IPPK: variants seen among roughly 807,000 people sequenced by gnomAD.
IPPK encodes the protein inositol-pentakisphosphate 2-kinase, also known as IPK1 homolog.
A neutral mutation model predicts 64.6 loss-of-function variants in IPPK; 22 were observed. That is an observed-to-expected ratio of 0.34 (90% confidence interval 0.24 to 0.49). The LOEUF is 0.49. IPPK is among the 20% of genes least tolerant of loss of function. IPPK has a pLI of 0.99. For missense variants in IPPK, 532 were observed against 630.7 expected (o/e 0.84, Z 1.68); for synonymous variants, 262 against 247.2 (o/e 1.06, Z -0.56).
At chr9:92,657,785 CCT>C (rs542142686) in intron 2 of IPPK, among the ~76,000 whole-genome samples, 66 of 152,270 alleles carry the variant, frequency 4.3e-4, no homozygotes, top group African/African-American at 1.4e-3. Context: ...GGCTCTCTCC[CCT>C]CTTTCTACTG....
At chr9:92,655,419 G>A (rs367839433) in intron 3 of IPPK, among the ~76,000 whole-genome samples, 55 of 152,262 alleles carry the variant, frequency 3.6e-4, no homozygotes, top group African/African-American at 1.1e-3. Flanking sequence ...GAGGAAATGC[G>A]CTCACAGGCG....
At chr9:92,641,251 C>T (rs1327564712) in intron 7 of IPPK, among the ~76,000 whole-genome samples, 1 of 152,180 alleles carries the variant, frequency 6.6e-6, no homozygotes, top group Non-Finnish European at 1.5e-5. Flanking sequence ...CCAGGGAGCC[C>T]TCGTCCTCCA....
intron 3 of IPPK, 32 bp downstream of exon 3, chr9:92,656,424 C>G (rs757494534): frequency 1.4e-6 from 2 of 1,435,674 alleles, no homozygotes; most frequent in Non-Finnish European, 2.0e-6. Flanking sequence ...AAAACATGCC[C>G]AAGAATTCAG....
At chr9:92,641,046 C>T (rs752949127) in intron 7 of IPPK, among the ~76,000 whole-genome samples, 1 of 152,196 alleles carries the variant, frequency 6.6e-6, no homozygotes, top group African/African-American at 2.4e-5. Flanking sequence ...CCCAGACTTT[C>T]GGGAGATGTG....
intron 3 of IPPK, among the ~76,000 whole-genome samples, chr9:92,654,939 C>A (rs1852341207): frequency 6.6e-6 from 1 of 152,266 alleles, no homozygotes; most frequent in Non-Finnish European, 1.5e-5. Context: ...TGGCCCACAG[C>A]AGCGAGGTGG....
chr9:92,657,179 G>A (rs558837115), intron 2 of IPPK, among the ~76,000 whole-genome samples: 25 of 152,064 alleles, frequency 1.6e-4, no homozygotes, highest in Non-Finnish European at 3.7e-4. Context: ...CTGAAACCCC[G>A]TTTCTAATAA....
At position 92,640,746 on chromosome 9, in the gene IPPK, C is replaced by G; in HGVS notation, c.600G>C (p.Leu200Phe). The G allele has an allele frequency of 6.2e-7, 1 of 1,613,280 alleles. No individual in the cohort carries two copies. Among genetic ancestry groups the G allele is most frequent in the Non-Finnish European group, 8.5e-7 (1 of 1,179,188 alleles). The change falls in exon 8 of 13, where the codon TTG (leucine) becomes TTC (phenylalanine). Residue 200 changes from leucine to phenylalanine, a missense_variant. By Grantham distance (22) the Leu-to-Phe change is conservative (BLOSUM62 0). Coordinates refer to ENST00000287996, the MANE Select transcript of IPPK (RefSeq NM_022755.6). ...KQRMHFALKS[L>F]LQEAQNNLKI... is the part of the protein sequence containing the mutation. The stretch of plus-strand genomic sequence containing the variant: ...TCAAGTTGTTCTGTGCCTCCTGCAG[C>G]AAACTCTTCAAGGCAAAGTGCATTC...
intron 1 of IPPK, among the ~76,000 whole-genome samples, 186 bp downstream of exon 1, chr9:92,669,722 G>A (rs953489787): frequency 6.6e-6 from 1 of 151,568 alleles, no homozygotes; most frequent in Non-Finnish European, 1.5e-5. Context: ...GGATACTGGG[G>A]TGATGAGGAA....
intron 11 of IPPK, 111 bp downstream of exon 11, chr9:92,634,275 G>A (rs974376868): frequency 1.4e-6 from 1 of 700,348 alleles, no homozygotes; most frequent in African/African-American, 1.8e-5. Flanking sequence ...CAAGTTTTCT[G>A]CTTTAAACCT....
chr9:92,640,816 C>A, intron 7 of IPPK, 34 bp from the exon 8 acceptor site: 1 of 1,449,638 alleles, frequency 6.9e-7, no homozygotes, highest in Non-Finnish European at 9.7e-7. Flanking sequence ...GCTTTAAATG[C>A]AGCTGGAACT....
chr9:92,661,562 C>T (rs1277954186), intron 1 of IPPK, among the ~76,000 whole-genome samples: 1 of 152,244 alleles, frequency 6.6e-6, no homozygotes, highest in Non-Finnish European at 1.5e-5. Context: ...AACACAGTGG[C>T]TTGGCCTCCC....
intron 12 of IPPK, chr9:92,616,935 C>T (rs1474011360): frequency 6.6e-6 from 1 of 152,188 alleles, no homozygotes; most frequent in Non-Finnish European, 1.5e-5. Context: ...AAGCCAAACC[C>T]CAACTTCAAA....
intron 1 of IPPK, among the ~76,000 whole-genome samples, chr9:92,663,810 G>A (rs992022531): frequency 6.6e-6 from 1 of 152,220 alleles, no homozygotes; most frequent in African/African-American, 2.4e-5. Context: ...TCTGTCAAAA[G>A]ACAAGGACCA....
rs528564634 is a variant in IPPK, at chr9:92,642,664, C to T, written c.563+88G>A. 50 of 1,161,012 alleles carry T rather than the reference C, an allele frequency of 4.3e-5. No individual in the cohort carries two copies. The East Asian group carries it at 6.8e-4, about 16-fold the overall frequency. The allele number at this position is 1,161,012 out of a possible 1,614,324, so 71.9% of individuals were successfully genotyped here. A position where few individuals can be genotyped will look rare whatever the true frequency, so the allele number is the denominator to read the frequency against. ...GGGCCTTCCCTGCCTTCCTACCTCA[C>T]GAAATACCCCCCACCAGGCACTGGC... On this transcript the variant is annotated intron_variant, in intron 7 of 12. Coordinates refer to ENST00000287996, the MANE Select transcript of IPPK (RefSeq NM_022755.6).
At chr9:92,666,225 G>A (rs1012622971) in intron 1 of IPPK, among the ~76,000 whole-genome samples, 2 of 152,078 alleles carry the variant, frequency 1.3e-5, no homozygotes, top group Non-Finnish European at 2.9e-5. Flanking sequence ...GAGGTGGTCC[G>A]GAAGGGGCTC....
chr9:92,641,560 T>A (rs1298609838), intron 7 of IPPK, among the ~76,000 whole-genome samples: 3 of 152,268 alleles, frequency 2.0e-5, no homozygotes, highest in African/African-American at 4.8e-5. Context: ...GAAATCCACA[T>A]GGGACCCACA....
chr9:92,649,153 C>T (rs1040243911), intron 5 of IPPK, among the ~76,000 whole-genome samples: 2 of 152,234 alleles, frequency 1.3e-5, no homozygotes, highest in Non-Finnish European at 2.9e-5. Context: ...GGGGACCCAA[C>T]GCGCTTCCCT....
chr9:92,616,176 G>T, intron 12 of IPPK, 119 bp from the exon 13 acceptor site: 2 of 690,282 alleles, frequency 2.9e-6, no homozygotes, highest in Non-Finnish European at 4.9e-6. Context: ...TTTGACTTCT[G>T]CAAAGTTAGA....
In IPPK at chr9:92,669,912, G is replaced by A. The variant is rs763411688; in HGVS notation, c.77C>T (p.Ala26Val). The change falls in exon 1 of 13, where the codon GCG becomes GTG. Residue 26 changes from alanine (A) to valine (V), a missense_variant. Physicochemically the swap from Ala to Val is moderately conservative, Grantham distance 64. Transcript: ENST00000287996. ...EGNKSLVVAH[A>V]QRCVVLRFLK... Reference sequence around the variant, plus strand: ...CGCCGCACGTCCACCGCTCACCTGCGCGTGGGCCACCACCAGGCTCTTATT... The same window carrying A: ...CGCCGCACGTCCACCGCTCACCTGCACGTGGGCCACCACCAGGCTCTTATT... 3 of 1,610,672 alleles carry A rather than the reference G, an allele frequency of 1.9e-6. No individual in the cohort carries two copies. The highest frequency in any genetic ancestry group is 2.5e-6 in the Non-Finnish European group (3 of 1,177,966).
Sources: allele counts gnomAD v4.1 joint callset (sites outside exome capture counted in the v4.1 genomes callset), GRCh38; gene constraint gnomAD v4.1.1; transcripts MANE v1.5; gene names NCBI Gene and HGNC (gene_info 2026-07-23, HGNC 2026-07-21).